Variants in DNAH6 observed in about 807,000 individuals in gnomAD.
DNAH6 encodes the protein axonemal beta dynein heavy chain 6.
A neutral mutation model predicts 491.4 loss-of-function variants in DNAH6; 340 were observed. The observed-to-expected ratio is 0.69, with a 90% CI of 0.63 to 0.76. The LOEUF (loss-of-function observed/expected upper bound fraction) is 0.76, where lower values mean the gene tolerates loss of function less well. DNAH6 is among the 30% of genes least tolerant of loss of function. The pLI is 0.00. For synonymous variants in DNAH6, 1,603 were observed against 1,686.1 expected (o/e 0.95, Z 1.21); for missense variants, 4,443 against 4,972.2 (o/e 0.89, Z 3.20).
At chr2:84,635,826 C>T (rs546878990) in intron 30 of DNAH6, among the ~76,000 whole-genome samples, 1 of 152,286 alleles carries the variant, frequency 6.6e-6, no homozygotes, top group African/African-American at 2.4e-5. Context: ...CAGAAATGGT[C>T]TCCAGTTGTA....
intron 66 of DNAH6, 112 bp from the exon 67 acceptor site, chr2:84,785,498 G>A (rs1677091732): frequency 7.2e-6 from 8 of 1,108,894 alleles, no homozygotes; most frequent in African/African-American, 3.3e-5. Context: ...ACCTCCCCAT[G>A]AACATCAGCA....
At chr2:84,650,629 A>G (rs752723132) in intron 33 of DNAH6, among the ~76,000 whole-genome samples, 12 of 152,030 alleles carry the variant, frequency 7.9e-5, no homozygotes, top group Non-Finnish European at 1.5e-4. Flanking sequence ...ACATGTACCT[A>G]TAGTCTTGGC....
At chr2:84,644,321 A>G (rs1007960088) in intron 33 of DNAH6, among the ~76,000 whole-genome samples, 1 of 152,172 alleles carries the variant, frequency 6.6e-6, no homozygotes, top group Non-Finnish European at 1.5e-5. Context: ...GCTTCTCCTT[A>G]TTAGGAAGAG....
At chr2:84,535,683 CAAA>C (rs72518363) in intron 4 of DNAH6, among the ~76,000 whole-genome samples, 1 of 101,412 alleles carries the variant, frequency 9.9e-6, no homozygotes. Context: ...ACCAGAAAAG[CAAA>C]AAAAAAAAAA....
intron 72 of DNAH6, among the ~76,000 whole-genome samples, chr2:84,809,855 A>G (rs546638548): frequency 4.6e-5 from 7 of 152,230 alleles, no homozygotes; most frequent in African/African-American, 1.7e-4. Context: ...CTTCCTTATA[A>G]AAATGTGATC....
At chr2:84,514,117 C>A (rs78833910), upstream of DNAH6, among the ~76,000 whole-genome samples, 902 of 152,306 alleles carry the variant, frequency 5.9e-3, 14 homozygotes, top group African/African-American at 0.021. Context: ...GTACCCACAG[C>A]ACCCACAGCT....
chr2:84,745,374 A>T, intron 63 of DNAH6, 125 bp downstream of exon 63: 1 of 750,716 alleles, frequency 1.3e-6, no homozygotes, highest in Non-Finnish European at 2.0e-6. Context: ...ACTCAAAAAA[A>T]TGAAACATGG....
chr2:84,671,901 T>C (rs965086533), intron 39 of DNAH6, among the ~76,000 whole-genome samples: 13 of 152,362 alleles, frequency 8.5e-5, no homozygotes, highest in South Asian at 6.2e-4. Context: ...TCTAATCTGG[T>C]TTCCCTGTGA....
At chr2:84,810,050 T>G (rs1364843896) in intron 72 of DNAH6, among the ~76,000 whole-genome samples, 1 of 152,104 alleles carries the variant, frequency 6.6e-6, no homozygotes, top group African/African-American at 2.4e-5. Flanking sequence ...TTCCACATCA[T>G]GAACTTTCAC....
At chr2:84,673,136 G>GGCAT (rs1276753301) in intron 40 of DNAH6, among the ~76,000 whole-genome samples, 1 of 152,140 alleles carries the variant, frequency 6.6e-6, no homozygotes, top group African/African-American at 2.4e-5. Flanking sequence ...GGATTCTGAA[G>GGCAT]GCATGCATGC....
intron 54 of DNAH6, 51 bp from the exon 55 acceptor site, chr2:84,709,292 G>A (rs901839377): frequency 2.0e-5 from 31 of 1,539,628 alleles, no homozygotes; most frequent in Middle Eastern, 3.4e-4. Context: ...ATGTGCCCTC[G>A]TTTACTGAGT....
At position 84,705,195 on chromosome 2, in the gene DNAH6, G is replaced by A. The variant is rs181461057; in HGVS notation, c.8466-291G>A. Reference sequence around the variant, plus strand: ...AAGGAGGTAAAATGTGAGTGCCTGCGGCGTTTTAAAAATAAAACTATTGTT... The same window carrying A: ...AAGGAGGTAAAATGTGAGTGCCTGCAGCGTTTTAAAAATAAAACTATTGTT... On this transcript the variant is annotated intron_variant, in intron 51 of 76. Coordinates refer to ENST00000389394, the MANE Select transcript of DNAH6 (RefSeq NM_001370.2). Among the ~76,000 whole-genome samples the A allele has an allele frequency of 9.9e-5, 15 of 152,236 alleles. No homozygotes were observed. In the East Asian group the frequency reaches 1.2e-3, roughly 12 times the overall value.
At chr2:84,695,782 A>T (rs1228782517) in intron 46 of DNAH6, among the ~76,000 whole-genome samples, 1 of 152,070 alleles carries the variant, frequency 6.6e-6, no homozygotes, top group East Asian at 1.9e-4. Context: ...CCTAAAATTA[A>T]GATATTTCTG....
intron 11 of DNAH6, among the ~76,000 whole-genome samples, chr2:84,568,386 G>A (rs552809715): frequency 6.6e-6 from 1 of 152,268 alleles, no homozygotes; most frequent in South Asian, 2.1e-4. Flanking sequence ...ATACTGTGCA[G>A]CCATAAAAAA....
rs545338994 is a variant in DNAH6 at position 84,547,484 on chromosome 2, A to G, written c.1066-8A>G. 1 of 1,551,662 alleles carries G rather than the reference A, an allele frequency of 6.4e-7. No individual in the cohort carries two copies. Among genetic ancestry groups the G allele is most frequent in the African/African-American group, 1.4e-5 (1 of 73,150 alleles). On this transcript the variant is annotated splice_polypyrimidine_tract_variant and splice_region_variant and intron_variant, in intron 6 of 76. Transcript: ENST00000389394. The stretch of plus-strand genomic sequence containing the variant: ...TATCACTAACTGTACATATTCAACA[A>G]TATCTAGGTGACAGAACGCCTAGGA...
chr2:84,625,596 T>G (rs1303315388), intron 29 of DNAH6, among the ~76,000 whole-genome samples: 1 of 149,072 alleles, frequency 6.7e-6, no homozygotes, highest in Non-Finnish European at 1.5e-5. Flanking sequence ...TAGAAAAAAT[T>G]AAGTAAAATA....
chr2:84,757,546 G>A (rs1674161344), intron 63 of DNAH6, among the ~76,000 whole-genome samples: 2 of 152,140 alleles, frequency 1.3e-5, no homozygotes, highest in African/African-American at 2.4e-5. Context: ...TGCCACTGAT[G>A]GTTTCAACAT....
chr2:84,741,855 C>A (rs1234614285), intron 62 of DNAH6, among the ~76,000 whole-genome samples: 1 of 152,176 alleles, frequency 6.6e-6, no homozygotes, highest in African/African-American at 2.4e-5. Flanking sequence ...TTCCATATGT[C>A]AGGCACAAGG....
rs4832108 is a variant in DNAH6 at position 84,713,353 on chromosome 2, T to C, written c.9543+94T>C. On this transcript the variant is annotated intron_variant, in intron 57 of 76. Transcript: ENST00000389394. The stretch of plus-strand genomic sequence containing the variant: ...GATGGGCTCCCACCCGGAGGGAAAG[T>C]GCTCCCCCATTCTCCCCTGTCTCCT... 0.21 allele frequency: 270,078 copies of C among 1,281,704 alleles called. 33,398 individuals carry two copies. Among genetic ancestry groups the C allele is most frequent in the African/African-American group, 0.55 (36,816 of 66,546 alleles). 79.4% of individuals were successfully genotyped at this position (1,281,704 alleles called of 1,614,324 possible).
Sources: allele counts gnomAD v4.1 joint callset (sites outside exome capture counted in the v4.1 genomes callset), GRCh38; gene constraint gnomAD v4.1.1; transcripts MANE v1.5; gene names NCBI Gene and HGNC (gene_info 2026-07-23, HGNC 2026-07-21).